The following ACVR1 variants were observed in gnomAD, a reference collection of about 807,000 sequenced individuals.
The protein encoded by ACVR1 is activin receptor type-1.
A neutral mutation model predicts 57.1 loss-of-function variants in ACVR1; 38 were observed. That is an observed-to-expected ratio of 0.67 (90% confidence interval 0.51 to 0.87). The LOEUF is 0.87. Ranked by LOEUF, ACVR1 falls within the 40% of genes least tolerant of loss-of-function variation. The pLI is 0.00. For missense variants in ACVR1, 463 were observed against 638.2 expected (o/e 0.73, Z 2.96); for synonymous variants, 212 against 228.1 (o/e 0.93, Z 0.63).
chr2:157,852,192 C>T (rs538125938), intron 1 of ACVR1, among the ~76,000 whole-genome samples: 20 of 151,666 alleles, frequency 1.3e-4, no homozygotes, highest in African/African-American at 4.4e-4. Context: ...GGAGAAAGAA[C>T]AGAGTTGAAA....
chr2:157,823,947 C>G (rs1039037048), intron 1 of ACVR1, among the ~76,000 whole-genome samples: 3 of 152,120 alleles, frequency 2.0e-5, no homozygotes, highest in African/African-American at 7.2e-5. Flanking sequence ...GGGTCCCAGC[C>G]CTGGCCCATG....
In ACVR1 at chr2:157,805,668, C is replaced by T. The variant is rs187150724; in HGVS notation, c.-7-6168G>A. Among the ~76,000 whole-genome samples the T allele has an allele frequency of 4.6e-5, 7 of 152,094 alleles. No individual in the cohort carries two copies. In the East Asian group the frequency reaches 7.7e-4, roughly 17 times the overall value. ...ACTTGCCTAAGGACACAGGTCAAACCGCAAACCACCAGATCAGAACATTCA... is the reference window on the plus strand; with the variant it reads ...ACTTGCCTAAGGACACAGGTCAAACTGCAAACCACCAGATCAGAACATTCA... On this transcript the variant is annotated intron_variant, in intron 2 of 10. Coordinates refer to ENST00000434821, the MANE Select transcript of ACVR1 (RefSeq NM_001111067.4).
At chr2:157,746,886 C>T (rs114192401) in intron 9 of ACVR1, among the ~76,000 whole-genome samples, 2,628 of 152,274 alleles carry the variant, frequency 0.017, 70 homozygotes, top group African/African-American at 0.057. Context: ...TTGAGAAATG[C>T]TCAGATGCAA....
At chr2:157,800,550 AC>A (rs1489785874) in intron 2 of ACVR1, among the ~76,000 whole-genome samples, 2 of 152,042 alleles carry the variant, frequency 1.3e-5, no homozygotes, top group African/African-American at 4.8e-5. Context: ...ATCATATCTT[AC>A]CACCCTTCAC....
chr2:157,834,610 A>T (rs188928803), intron 1 of ACVR1, among the ~76,000 whole-genome samples: 1 of 152,300 alleles, frequency 6.6e-6, no homozygotes, highest in East Asian at 1.9e-4. Context: ...CCATTTCTCA[A>T]ATACAGTATG....
intron 3 of ACVR1, among the ~76,000 whole-genome samples, chr2:157,791,469 G>A (rs922095801): frequency 6.6e-6 from 1 of 152,138 alleles, no homozygotes; most frequent in Non-Finnish European, 1.5e-5. Context: ...CTGCACACCA[G>A]GTAATGTCTT....
At chr2:157,869,523 A>T (rs1488844253) in intron 1 of ACVR1, among the ~76,000 whole-genome samples, 3 of 152,250 alleles carry the variant, frequency 2.0e-5, no homozygotes, top group African/African-American at 7.2e-5. Context: ...AAAAAGCATT[A>T]TAATATTTTT....
At chr2:157,870,343 T>C (rs1430602958) in intron 1 of ACVR1, among the ~76,000 whole-genome samples, 1 of 152,200 alleles carries the variant, frequency 6.6e-6, no homozygotes, top group East Asian at 1.9e-4. Context: ...TAATCTTGCT[T>C]TTCGATGGCA....
intron 1 of ACVR1, among the ~76,000 whole-genome samples, chr2:157,842,157 C>T (rs894965139): frequency 2.6e-5 from 4 of 152,060 alleles, no homozygotes; most frequent in Admixed American, 6.5e-5. Context: ...AAGTAGAACC[C>T]CCAACAGTCC....
At chr2:157,757,325 C>T (rs903814670) in intron 9 of ACVR1, among the ~76,000 whole-genome samples, 2 of 151,486 alleles carry the variant, frequency 1.3e-5, no homozygotes, top group Non-Finnish European at 3.0e-5. Flanking sequence ...AAAACTTATC[C>T]CTATCCCCCA....
intron 6 of ACVR1, 92 bp from the exon 7 acceptor site, chr2:157,770,606 C>T (rs1298238866): frequency 8.2e-7 from 1 of 1,223,836 alleles, no homozygotes; most frequent in Non-Finnish European, 1.2e-6. Flanking sequence ...GTGCATGCAA[C>T]TCTTAATCCC....
chr2:157,860,196 A>T (rs1319945382), intron 1 of ACVR1: 1 of 152,214 alleles, frequency 6.6e-6, no homozygotes, highest in East Asian at 1.9e-4. Context: ...AAAATAAAGC[A>T]AATAGTAATA....
At chr2:157,864,848 C>T (rs1251268079) in intron 1 of ACVR1, among the ~76,000 whole-genome samples, 1 of 151,910 alleles carries the variant, frequency 6.6e-6, no homozygotes, top group Non-Finnish European at 1.5e-5. Context: ...AAACTTTTTC[C>T]TTAAGTCTAA....
chr2:157,793,145 T>G (rs1214350232), intron 3 of ACVR1, among the ~76,000 whole-genome samples: 2 of 152,206 alleles, frequency 1.3e-5, no homozygotes, highest in African/African-American at 4.8e-5. Flanking sequence ...GAGATGGCAT[T>G]CATCCTCTCA....
chr2:157,768,117 T>C (rs953636626), intron 7 of ACVR1, among the ~76,000 whole-genome samples: 1 of 152,156 alleles, frequency 6.6e-6, no homozygotes. Context: ...CAAAGCAAAC[T>C]GAATAATATT....
intron 1 of ACVR1, among the ~76,000 whole-genome samples, chr2:157,865,779 G>C (rs2105383121): frequency 8.4e-6 from 1 of 119,072 alleles, no homozygotes; most frequent in Non-Finnish European, 1.8e-5. Context: ...CGGGCAAAAA[G>C]AGGGAAACTC....
rs1339006228 is a variant in ACVR1 at position 157,827,865 on chromosome 2, AC to A, written c.-182-9307del. Among the ~76,000 whole-genome samples the A allele has an allele frequency of 5.9e-5, 9 of 151,982 alleles. No individual in the cohort carries two copies. In the South Asian group the frequency reaches 1.7e-3, roughly 28 times the overall value. On this transcript the variant is annotated intron_variant, in intron 1 of 10. Transcript: ENST00000434821. ...CAGAAGTCACTAACCCTTCTCACTC[AC>A]CCTTCTCTGTTATCCTTTTATCCTA...
At chr2:157,789,902 G>A (rs950761537) in intron 3 of ACVR1, among the ~76,000 whole-genome samples, 5 of 152,208 alleles carry the variant, frequency 3.3e-5, no homozygotes, top group African/African-American at 7.2e-5. Context: ...TTTTAGGAAA[G>A]CCTTTCTCTC....
chr2:157,758,688 T>C (rs150524505), intron 9 of ACVR1, among the ~76,000 whole-genome samples: 31 of 152,246 alleles, frequency 2.0e-4, no homozygotes, highest in African/African-American at 7.2e-4. Context: ...AAATGTACTT[T>C]AGACCAAATG....
Sources: allele counts gnomAD v4.1 joint callset (sites outside exome capture counted in the v4.1 genomes callset), GRCh38; gene constraint gnomAD v4.1.1; transcripts MANE v1.5; gene names NCBI Gene and HGNC (gene_info 2026-07-23, HGNC 2026-07-21).